SORCS3: variants seen among roughly 807,000 people sequenced by gnomAD.
SORCS3 encodes VPS10 domain-containing receptor SorCS3.
In SORCS3, 57 loss-of-function variants were observed where a neutral mutation model predicts 146.3. The ratio of observed to expected loss-of-function variants is 0.39; its 90% confidence interval spans 0.31 to 0.49. The LOEUF is 0.49. Among genes scored for constraint, SORCS3 ranks in the 20% least tolerant of loss-of-function variants. SORCS3 has a pLI of 0.92. For missense variants in SORCS3, 1,341 were observed against 1,575.5 expected (o/e 0.85, Z 2.52); for synonymous variants, 653 against 618.5 (o/e 1.06, Z -0.83).
chr10:105,252,840 G>T lies in SORCS3; in HGVS notation c.3171G>T (p.Glu1057Asp), dbSNP rs1468807938. 1 of 1,614,076 alleles carries T rather than the reference G, an allele frequency of 6.2e-7. No individual in the cohort carries two copies. The highest frequency in any genetic ancestry group is 8.5e-7 in the Non-Finnish European group (1 of 1,179,996). ...TTCCTGGTCTCCCCACTTCAGCAGA[G>T]CTTTTCATTCTTCCACCCAAGAACC... ...AVFPGLPTSA[E>D]LFILPPKNLT... The change falls in exon 23 of 27, where the codon GAG becomes GAT. Residue 1057 changes from glutamate (E) to aspartate (D), a missense_variant. Physicochemically the swap from Glu to Asp is conservative, Grantham distance 45. Transcript: ENST00000369701.
At chr10:105,074,380 C>T (rs541135688) in intron 5 of SORCS3, among the ~76,000 whole-genome samples, 2 of 152,274 alleles carry the variant, frequency 1.3e-5, no homozygotes, top group South Asian at 4.1e-4. Context: ...ATCATTTGTT[C>T]AACAATATAA....
chr10:104,998,694 G>A (rs2133670020), intron 4 of SORCS3, among the ~76,000 whole-genome samples: 1 of 152,180 alleles, frequency 6.6e-6, no homozygotes, highest in East Asian at 1.9e-4. Context: ...TTCAGAACTA[G>A]AAAGGCCAGA....
chr10:104,883,837 C>G (rs1358157044), intron 2 of SORCS3, among the ~76,000 whole-genome samples: 1 of 152,172 alleles, frequency 6.6e-6, no homozygotes, highest in Non-Finnish European at 1.5e-5. Context: ...AATTAGGAAG[C>G]TCTTTCCCAT....
At chr10:105,118,756 T>G (rs2902646) in intron 7 of SORCS3, among the ~76,000 whole-genome samples, 13,112 of 152,140 alleles carry the variant, frequency 0.086, 695 homozygotes, top group Admixed American at 0.16. Context: ...GACTTGTGGG[T>G]TTTTGCCCTT....
At chr10:104,991,505 T>C (rs1403699771) in intron 4 of SORCS3, among the ~76,000 whole-genome samples, 19 of 146,632 alleles carry the variant, frequency 1.3e-4, no homozygotes, top group African/African-American at 4.2e-4. Context: ...TCTTCTTCCT[T>C]TTTTTTTTTT....
intron 5 of SORCS3, among the ~76,000 whole-genome samples, chr10:105,067,227 A>G (rs2055528449): frequency 6.6e-6 from 1 of 152,196 alleles, no homozygotes; most frequent in Non-Finnish European, 1.5e-5. Flanking sequence ...CTATCTGTCA[A>G]TTTAAAAGAA....
intron 3 of SORCS3, among the ~76,000 whole-genome samples, chr10:104,956,387 G>C (rs1051532278): frequency 2.0e-5 from 3 of 152,104 alleles, no homozygotes; most frequent in African/African-American, 7.2e-5. Context: ...TCTCAGCTGT[G>C]CAACCCAAGG....
intron 1 of SORCS3, among the ~76,000 whole-genome samples, chr10:104,751,572 G>A (rs1322371130): frequency 2.6e-5 from 4 of 152,210 alleles, no homozygotes; most frequent in South Asian, 2.1e-4. Context: ...TGCAAGGCAC[G>A]GTGAGTGAAT....
intron 5 of SORCS3, among the ~76,000 whole-genome samples, chr10:105,060,334 T>C (rs1431037975): frequency 3.3e-5 from 5 of 152,120 alleles, no homozygotes; most frequent in Non-Finnish European, 5.9e-5. Flanking sequence ...GATTCTATGC[T>C]TGGAGAGAGA....
chr10:105,159,604 A>G (rs1460971271), intron 11 of SORCS3, among the ~76,000 whole-genome samples: 4 of 152,264 alleles, frequency 2.6e-5, no homozygotes, highest in African/African-American at 9.6e-5. Flanking sequence ...ATTAGCATGC[A>G]CTGCATTTCC....
intron 10 of SORCS3, among the ~76,000 whole-genome samples, chr10:105,158,294 A>C (rs1426897066): frequency 6.6e-6 from 1 of 152,242 alleles, no homozygotes; most frequent in Non-Finnish European, 1.5e-5. Flanking sequence ...CCTTTTAAGA[A>C]CACTCCAATG....
chr10:104,998,652 C>G (rs1589586530), intron 4 of SORCS3, among the ~76,000 whole-genome samples: 1 of 152,084 alleles, frequency 6.6e-6, no homozygotes, highest in Non-Finnish European at 1.5e-5. Flanking sequence ...ATTCTTTGAA[C>G]CTTCAGTCTC....
At chr10:104,780,776 C>A (rs1303411107) in intron 1 of SORCS3, among the ~76,000 whole-genome samples, 1 of 152,194 alleles carries the variant, frequency 6.6e-6, no homozygotes, top group Admixed American at 6.5e-5. Flanking sequence ...TGTCTTCTGA[C>A]AATCATCAAA....
intron 9 of SORCS3, among the ~76,000 whole-genome samples, chr10:105,155,641 C>T (rs2056202126): frequency 6.6e-6 from 1 of 152,170 alleles, no homozygotes; most frequent in Admixed American, 6.5e-5. Flanking sequence ...GGCTCATAGT[C>T]CCTAGATGAG....
intron 3 of SORCS3, among the ~76,000 whole-genome samples, chr10:104,921,501 C>G (rs933655268): frequency 7.7e-6 from 1 of 130,034 alleles, no homozygotes; most frequent in East Asian, 2.0e-4. Context: ...CTCTCTCTCT[C>G]TCTGTGTGTG....
intron 1 of SORCS3, among the ~76,000 whole-genome samples, chr10:104,719,846 A>T (rs1336511297): frequency 2.6e-5 from 4 of 152,162 alleles, no homozygotes; most frequent in Non-Finnish European, 4.4e-5. Context: ...AAGTGTGTGA[A>T]TGTATGTGTT....
chr10:104,894,875 A>G (rs1309409237), intron 2 of SORCS3, among the ~76,000 whole-genome samples: 2 of 152,176 alleles, frequency 1.3e-5, no homozygotes, highest in Non-Finnish European at 2.9e-5. Flanking sequence ...CTGGAATTGA[A>G]ATGGCAACGG....
intron 19 of SORCS3, chr10:105,217,926 T>C: frequency 2.2e-6 from 1 of 453,712 alleles, no homozygotes; most frequent in Non-Finnish European, 4.4e-6. Flanking sequence ...GTCTAAGGAC[T>C]TCCATGGTTC....
chr10:104,976,462 G>A (rs528410818), intron 3 of SORCS3, among the ~76,000 whole-genome samples: 26 of 152,292 alleles, frequency 1.7e-4, no homozygotes, highest in African/African-American at 5.8e-4. Flanking sequence ...CACTGTTGGG[G>A]GGACTGTAAA....
Sources: allele counts gnomAD v4.1 joint callset (sites outside exome capture counted in the v4.1 genomes callset), GRCh38; gene constraint gnomAD v4.1.1; transcripts MANE v1.5; gene names NCBI Gene and HGNC (gene_info 2026-07-23, HGNC 2026-07-21).